GRM1: variants seen among roughly 807,000 people sequenced by gnomAD.
GRM1 encodes the protein metabotropic glutamate receptor 1.
In GRM1, 33 loss-of-function variants were observed where a neutral mutation model predicts 90.9. The ratio of observed to expected loss-of-function variants is 0.36; its 90% confidence interval spans 0.28 to 0.49. GRM1 has a LOEUF of 0.49. Among genes scored for constraint, GRM1 ranks in the 20% least tolerant of loss-of-function variants. The pLI is 0.99. For synonymous variants in GRM1, 700 were observed against 613.2 expected (o/e 1.14, Z -2.09); for missense variants, 1,190 against 1,534.3 (o/e 0.78, Z 3.75).
intron 1 of GRM1, among the ~76,000 whole-genome samples, chr6:146,100,846 C>T (rs182658700): frequency 6.6e-6 from 1 of 152,194 alleles, no homozygotes; most frequent in East Asian, 1.9e-4. Flanking sequence ...ACATATAATC[C>T]CAGCACTTTT....
At chr6:146,174,891 T>C (rs1436314998) in intron 2 of GRM1, among the ~76,000 whole-genome samples, 1 of 152,226 alleles carries the variant, frequency 6.6e-6, no homozygotes, top group Admixed American at 6.5e-5. Flanking sequence ...CTCAGATTCT[T>C]GCTGGCTATT....
At chr6:146,154,650 C>T (rs777555666) in intron 1 of GRM1, among the ~76,000 whole-genome samples, 7 of 152,188 alleles carry the variant, frequency 4.6e-5, no homozygotes, top group African/African-American at 1.2e-4. Flanking sequence ...GATTTAATTA[C>T]AATGCTCATG....
chr6:146,223,921 A>C (rs990534480), intron 2 of GRM1, among the ~76,000 whole-genome samples: 2 of 152,110 alleles, frequency 1.3e-5, no homozygotes, highest in African/African-American at 4.8e-5. Flanking sequence ...GTTTTCATGT[A>C]GTATTAACAT....
At chr6:146,160,590 C>T (rs1413699843) in intron 2 of GRM1, among the ~76,000 whole-genome samples, 2 of 152,114 alleles carry the variant, frequency 1.3e-5, no homozygotes, top group Admixed American at 1.3e-4. Flanking sequence ...CATATCACAC[C>T]CATTAAAGAG....
chr6:146,145,557 T>C (rs1777063903), intron 1 of GRM1, among the ~76,000 whole-genome samples: 1 of 152,174 alleles, frequency 6.6e-6, no homozygotes, highest in Non-Finnish European at 1.5e-5. Context: ...TTGTAAACTT[T>C]GGTGGCGTCC....
intron 2 of GRM1, among the ~76,000 whole-genome samples, chr6:146,301,162 A>G (rs1246875269): frequency 6.6e-6 from 1 of 152,114 alleles, no homozygotes; most frequent in African/African-American, 2.4e-5. Context: ...AAGAAATCCT[A>G]CTTGAATGTT....
chr6:146,395,001 C>T (rs1011295555), intron 6 of GRM1, among the ~76,000 whole-genome samples: 5 of 152,048 alleles, frequency 3.3e-5, no homozygotes, highest in African/African-American at 1.2e-4. Context: ...CCAACTTGTC[C>T]TTCCAGAATA....
intron 2 of GRM1, among the ~76,000 whole-genome samples, chr6:146,274,827 A>C (rs1480581095): frequency 6.6e-6 from 1 of 152,206 alleles, no homozygotes; most frequent in Non-Finnish European, 1.5e-5. Context: ...CAAGATGTCA[A>C]TGTCTATGCT....
intron 4 of GRM1, among the ~76,000 whole-genome samples, 175 bp from the exon 5 acceptor site, chr6:146,357,351 T>A (rs977712389): frequency 1.3e-5 from 2 of 152,208 alleles, no homozygotes; most frequent in African/African-American, 2.4e-5. Flanking sequence ...AAGAATGGAA[T>A]ATACACATTT....
chr6:146,265,455 A>G lies in GRM1; in HGVS notation c.951-39156A>G, dbSNP rs565421620. On this transcript the variant is annotated intron_variant, in intron 2 of 7. Coordinates refer to ENST00000282753, the MANE Select transcript of GRM1 (RefSeq NM_001278064.2). ...TTCTTTGTCAGATGTATAATATGCA[A>G]ATATTTTCTCCCATTCTGTAGGTTG... Among the ~76,000 whole-genome samples the G allele has an allele frequency of 2.6e-5, 4 of 152,252 alleles. No homozygotes were observed. In the East Asian group the frequency reaches 5.8e-4, roughly 22 times the overall value.
chr6:146,300,074 G>A (rs774545231), intron 2 of GRM1, among the ~76,000 whole-genome samples: 77 of 152,124 alleles, frequency 5.1e-4, no homozygotes, highest in Non-Finnish European at 8.8e-4. Context: ...TAAAAATATC[G>A]TTTGATTATG....
At chr6:146,252,694 G>A (rs1187719200) in intron 2 of GRM1, among the ~76,000 whole-genome samples, 3 of 152,218 alleles carry the variant, frequency 2.0e-5, no homozygotes, top group East Asian at 1.9e-4. Flanking sequence ...GAAATTTTAC[G>A]TAGTTGAAAA....
intron 5 of GRM1, among the ~76,000 whole-genome samples, chr6:146,380,191 G>A (rs867544940): frequency 6.6e-6 from 1 of 152,104 alleles, no homozygotes; most frequent in Non-Finnish European, 1.5e-5. Context: ...TTGCCTTCAG[G>A]ACAGCAAGGT....
chr6:146,297,183 T>A (rs1783206519), intron 2 of GRM1, among the ~76,000 whole-genome samples: 2 of 151,768 alleles, frequency 1.3e-5, no homozygotes, highest in Admixed American at 1.3e-4. Context: ...TTTTTTGAGA[T>A]GGAGTCTCAC....
At chr6:146,279,844 G>A (rs1455807767) in intron 2 of GRM1, among the ~76,000 whole-genome samples, 1 of 151,628 alleles carries the variant, frequency 6.6e-6, no homozygotes, top group East Asian at 1.9e-4. Context: ...CTTCTTGCTT[G>A]CATCATTTTT....
At chr6:146,177,737 C>A (rs1213063482) in intron 2 of GRM1, among the ~76,000 whole-genome samples, 1 of 152,020 alleles carries the variant, frequency 6.6e-6, no homozygotes, top group East Asian at 1.9e-4. Flanking sequence ...TTGTCTCTGC[C>A]TTGAAAAATG....
chr6:146,029,764 T>C lies in GRM1; in HGVS notation c.247T>C (p.Phe83Leu). The C allele has an allele frequency of 6.2e-7, 1 of 1,614,048 alleles. No homozygotes were observed. The highest frequency in any genetic ancestry group is 1.1e-5 in the South Asian group (1 of 91,068). Reference protein sequence around the residue: ...QYGIQRVEAMFHTLDKINADP... With the variant: ...QYGIQRVEAMLHTLDKINADP... ...TGGCATCCAGAGGGTGGAGGCCATG[T>C]TCCACACGTTGGATAAGATCAACGC... The change falls in exon 1 of 8, where the codon TTC becomes CTC. Residue 83 changes from phenylalanine (F) to leucine (L), a missense_variant. Physicochemically the swap from Phe to Leu is conservative, Grantham distance 22. Around this residue, in one of 10 missense-constraint regions of GRM1, gnomAD observed 91 missense variants for 95.6 expected, o/e 0.95. Coordinates refer to ENST00000282753, the MANE Select transcript of GRM1 (RefSeq NM_001278064.2).
chr6:146,151,922 T>C (rs1482977214), intron 1 of GRM1, among the ~76,000 whole-genome samples: 1 of 152,194 alleles, frequency 6.6e-6, no homozygotes, highest in South Asian at 2.1e-4. Flanking sequence ...TTTTAGAGCA[T>C]ATCTTGATGT....
chr6:146,107,360 G>T (rs951482471), intron 1 of GRM1, among the ~76,000 whole-genome samples: 4 of 145,884 alleles, frequency 2.7e-5, no homozygotes, highest in African/African-American at 9.9e-5. Context: ...TTTCCAGGTA[G>T]TTTTTTTTTT....
Sources: allele counts gnomAD v4.1 joint callset (sites outside exome capture counted in the v4.1 genomes callset), GRCh38; gene constraint gnomAD v4.1.1; regional missense constraint gnomAD v4.1.1; transcripts MANE v1.5; gene names NCBI Gene and HGNC (gene_info 2026-07-23, HGNC 2026-07-21).